Variants in CALN1 observed in about 807,000 individuals in gnomAD.
CALN1 encodes calneuron 1.
Under a neutral mutation model 30.6 loss-of-function variants are expected in CALN1, and 17 were observed. The observed-to-expected ratio is 0.56, with a 90% CI of 0.38 to 0.83. CALN1 has a LOEUF of 0.83. Among genes scored for constraint, CALN1 ranks in the 40% least tolerant of loss-of-function variants. The probability of loss-of-function intolerance (pLI) is 0.00; values close to 1 mark genes in which losing one functional copy is unlikely to be tolerated. For missense variants in CALN1, 291 were observed against 354.9 expected (o/e 0.82, Z 1.45); for synonymous variants, 156 against 131.4 (o/e 1.19, Z -1.28).
chr7:72,123,172 T>C (rs1808508822), intron 3 of CALN1, among the ~76,000 whole-genome samples: 1 of 152,158 alleles, frequency 6.6e-6, no homozygotes, highest in South Asian at 2.1e-4. Context: ...ATTCACTCAT[T>C]TTGTAGTGTC....
chr7:72,085,445 T>A (rs976710001), intron 4 of CALN1, among the ~76,000 whole-genome samples: 6 of 152,134 alleles, frequency 3.9e-5, no homozygotes, highest in Non-Finnish European at 5.9e-5. Flanking sequence ...GTTATTGTAA[T>A]CTCTTACTGC....
intron 5 of CALN1, among the ~76,000 whole-genome samples, chr7:71,883,035 T>C (rs1179880200): frequency 6.6e-6 from 1 of 152,214 alleles, no homozygotes; most frequent in Non-Finnish European, 1.5e-5. Flanking sequence ...TTACCTTTGA[T>C]AGCACTTATT....
intron 5 of CALN1, among the ~76,000 whole-genome samples, chr7:71,873,855 C>T (rs577645343): frequency 4.7e-4 from 71 of 152,352 alleles, no homozygotes; most frequent in African/African-American, 1.6e-3. Context: ...AAACTTATAA[C>T]AACTATTCTG....
At chr7:72,088,759 G>T (rs1370549016) in intron 4 of CALN1, among the ~76,000 whole-genome samples, 2 of 145,718 alleles carry the variant, frequency 1.4e-5, no homozygotes, top group African/African-American at 5.0e-5. Context: ...GGAAGGAAGA[G>T]AAGGAAGAGA....
chr7:72,325,645 TAAATA>T (rs897012627), intron 2 of CALN1, among the ~76,000 whole-genome samples: 20 of 151,956 alleles, frequency 1.3e-4, no homozygotes, highest in East Asian at 1.9e-4. Flanking sequence ...GTCTCAAAAA[TAAATA>T]AAATAAAAAT....
intron 5 of CALN1, among the ~76,000 whole-genome samples, chr7:71,819,962 G>C (rs1788497826): frequency 6.6e-6 from 1 of 152,184 alleles, no homozygotes; most frequent in African/African-American, 2.4e-5. Context: ...TTCAGGCTAT[G>C]ATGGGAAGGA....
chr7:72,241,950 AACC>A (rs1202437162), intron 3 of CALN1, among the ~76,000 whole-genome samples: 1 of 152,154 alleles, frequency 6.6e-6, no homozygotes, highest in African/African-American at 2.4e-5. Flanking sequence ...ATTATTGGGC[AACC>A]ACCACCATCC....
chr7:72,117,941 G>C (rs1278794317), intron 3 of CALN1, among the ~76,000 whole-genome samples: 1 of 147,636 alleles, frequency 6.8e-6, no homozygotes, highest in Non-Finnish European at 1.5e-5. Context: ...CTGGGCGACA[G>C]TGCGAGACAC....
chr7:72,129,196 C>A (rs112414985), intron 3 of CALN1, among the ~76,000 whole-genome samples: 6 of 152,206 alleles, frequency 3.9e-5, no homozygotes, highest in African/African-American at 1.2e-4. Flanking sequence ...ACCTAGAAGG[C>A]AGATAAAGAT....
intron 2 of CALN1, among the ~76,000 whole-genome samples, chr7:72,352,537 T>C (rs1802988451): frequency 6.6e-6 from 1 of 152,160 alleles, no homozygotes; most frequent in African/African-American, 2.4e-5. Context: ...AAAACAGTTT[T>C]GCATAATGCG....
At chr7:72,305,114 T>C (rs555999979) in intron 2 of CALN1, among the ~76,000 whole-genome samples, 1 of 152,188 alleles carries the variant, frequency 6.6e-6, no homozygotes, top group Non-Finnish European at 1.5e-5. Context: ...GGGCCCGTGT[T>C]AACAGCTGGC....
At chr7:72,306,759 T>C (rs1268834509) in intron 2 of CALN1, among the ~76,000 whole-genome samples, 12 of 152,228 alleles carry the variant, frequency 7.9e-5, no homozygotes, top group Non-Finnish European at 1.2e-4. Flanking sequence ...TGTATTTGAT[T>C]GATGTCTCAT....
intron 3 of CALN1, among the ~76,000 whole-genome samples, chr7:72,248,160 G>A (rs1277444873): frequency 6.6e-6 from 1 of 152,126 alleles, no homozygotes; most frequent in Admixed American, 6.6e-5. Context: ...TGTCACCCAG[G>A]CTGGAGTGCA....
chr7:72,442,268 G>C (rs1281729055), intron 1 of CALN1, among the ~76,000 whole-genome samples: 1 of 152,158 alleles, frequency 6.6e-6, no homozygotes, highest in Non-Finnish European at 1.5e-5. Context: ...GCAGTGAGGA[G>C]GATCATTTAA....
chr7:72,325,487 G>T (rs1442120506), intron 2 of CALN1, among the ~76,000 whole-genome samples: 1 of 152,070 alleles, frequency 6.6e-6, no homozygotes, highest in Non-Finnish European at 1.5e-5. Context: ...AGTAATCCCA[G>T]CTACTTGGGA....
chr7:72,194,205 T>G (rs1461988256), intron 3 of CALN1, among the ~76,000 whole-genome samples: 2 of 152,238 alleles, frequency 1.3e-5, no homozygotes, highest in African/African-American at 4.8e-5. Flanking sequence ...TGGCATCTCT[T>G]TGACTGGGTA....
intron 2 of CALN1, among the ~76,000 whole-genome samples, chr7:72,315,446 G>C (rs1341817481): frequency 1.3e-5 from 2 of 152,038 alleles, no homozygotes; most frequent in African/African-American, 4.8e-5. Flanking sequence ...AACCACTTTA[G>C]CTGTCAAATT....
intron 3 of CALN1, among the ~76,000 whole-genome samples, chr7:72,165,966 T>C (rs1195307750): frequency 6.6e-6 from 1 of 152,144 alleles, no homozygotes; most frequent in East Asian, 1.9e-4. Flanking sequence ...ACCCAAATTG[T>C]GTAATAGACC....
chr7:72,242,748 C>T (rs552508577), intron 3 of CALN1, among the ~76,000 whole-genome samples: 11 of 152,154 alleles, frequency 7.2e-5, no homozygotes, highest in South Asian at 2.1e-4. Context: ...ATTATACAGG[C>T]GTGGTGGCAT....
Sources: gnomAD v4.1 joint callset for allele counts (sites outside exome capture counted in the v4.1 genomes callset) on GRCh38, gnomAD v4.1.1 for gene constraint, MANE v1.5 for transcripts, NCBI Gene and HGNC (gene_info 2026-07-23, HGNC 2026-07-21) for gene names.